TSC2: variants seen among roughly 807,000 people sequenced by gnomAD.
TSC2 encodes the protein TSC complex subunit 2, also known as tuberin.
TSC2 carries 29 observed loss-of-function variants against 202.2 expected under a neutral mutation model. The ratio of observed to expected loss-of-function variants is 0.14; its 90% confidence interval spans 0.11 to 0.20. The LOEUF (loss-of-function observed/expected upper bound fraction) is 0.20. Ranked by LOEUF, TSC2 falls within the 10% of genes least tolerant of loss-of-function variation. The probability of loss-of-function intolerance (pLI) is 1.00; values close to 1 mark genes in which losing one functional copy is unlikely to be tolerated. For missense variants in TSC2, 2,429 were observed against 2,420.0 expected (o/e 1.00, Z -0.08); for synonymous variants, 1,349 against 1,044.0 (o/e 1.29, Z -5.63).
chr16:2,087,511 TGAG>T (rs2090984908), intron 38 of TSC2, among the ~76,000 whole-genome samples: 1 of 141,804 alleles, frequency 7.1e-6, no homozygotes, highest in Non-Finnish European at 1.5e-5. Flanking sequence ...CCTGGGCGGC[TGAG>T]GAGGGTGTGG....
rs774476372 is a variant in TSC2, at chr16:2,062,455, G to A, written c.1258-42G>A. On this transcript the variant is annotated intron_variant, in intron 12 of 41. Transcript: ENST00000219476. The stretch of plus-strand genomic sequence containing the variant: ...GCAGCCCAGTGTGGAGAAGGAGAGC[G>A]CCGGAGGGGCAGAGGGGCAACACCG... The A allele has an allele frequency of 1.5e-5, 23 of 1,553,520 alleles. No homozygotes were observed. In the South Asian group the frequency reaches 2.0e-4, roughly 13 times the overall value.
chr16:2,061,744 CATGCGGCCCA>C (rs2151151463), intron 11 of TSC2, 117 bp from the exon 12 acceptor site: 1 of 1,509,090 alleles, frequency 6.6e-7, no homozygotes, highest in South Asian at 1.1e-5. Context: ...CGTCTGTCCC[CATGCGGCCCA>C]GAGCGGCCTG....
chr16:2,054,548 G>A (rs371081257), intron 5 of TSC2, 108 bp downstream of exon 5: 1 of 1,533,010 alleles, frequency 6.5e-7, no homozygotes, highest in Non-Finnish European at 8.9e-7. Context: ...GGGATGGCCT[G>A]CAGCGGGTAT....
intron 20 of TSC2, 29 bp from the exon 21 acceptor site, chr16:2,072,820 G>C (rs777561812): frequency 6.2e-7 from 1 of 1,613,204 alleles, no homozygotes; most frequent in Non-Finnish European, 8.5e-7. Flanking sequence ...CCGCTGGGGA[G>C]AGGTTTCATG....
At position 2,076,096 on chromosome 16, in the gene TSC2, C is replaced by G; in HGVS notation, c.2668C>G (p.His890Asp). ...KFNQYIVCLA[H>D]HVIAMWFIRC... Reference sequence around the variant, plus strand: ...TAATCAGTACATCGTGTGTCTGGCCCATCACGTCATAGCCATGTGGTTCAT... The same window carrying G: ...TAATCAGTACATCGTGTGTCTGGCCGATCACGTCATAGCCATGTGGTTCAT... The change falls in exon 24 of 42, where the codon CAT becomes GAT. Residue 890 changes from histidine to aspartate, a missense_variant. Transcript: ENST00000219476. 6.2e-7 allele frequency: 1 copy of G among 1,613,958 alleles called. No individual in the cohort carries two copies. Among genetic ancestry groups the G allele is most frequent in the Non-Finnish European group, 8.5e-7 (1 of 1,180,034 alleles).
rs2151533587 is a variant in TSC2, at chr16:2,084,569, C to T, written c.4347C>T (p.Ser1449=). The T allele has an allele frequency of 6.2e-7, 1 of 1,607,622 alleles. No homozygotes were observed. Among genetic ancestry groups the T allele is most frequent in the Non-Finnish European group, 8.5e-7 (1 of 1,179,662 alleles). ...CCGAGGGTCCCTTGCCTTCCAGCTC[C>T]CCCCGCTCGCCCAGTGGCCTCCGGC... ...GQPEGPLPSS[S]PRSPSGLRPR... The change falls in exon 34 of 42, where the codon TCC becomes TCT. Residue 1449 remains serine (S), a synonymous_variant. Transcript: ENST00000219476.
intron 22 of TSC2, 25 bp from the exon 23 acceptor site, chr16:2,075,774 C>G (rs762394247): frequency 1.9e-6 from 3 of 1,610,810 alleles, no homozygotes; most frequent in Non-Finnish European, 2.5e-6. Flanking sequence ...CCCGGCTCCC[C>G]TGACCACCCT....
chr16:2,064,475 G>T (rs766699464), intron 15 of TSC2, 48 bp downstream of exon 15: 6 of 1,610,780 alleles, frequency 3.7e-6, no homozygotes, highest in Non-Finnish European at 5.1e-6. Context: ...CCAGAGCTCC[G>T]TGGGCAGCAA....
intron 37 of TSC2, 63 bp downstream of exon 37, chr16:2,086,442 CCTG>C: frequency 1.3e-6 from 2 of 1,578,378 alleles, no homozygotes; most frequent in East Asian, 2.4e-5. Context: ...CCCATCCAGT[CCTG>C]CTACCCCACG....
chr16:2,068,306 T>C (rs989934157), intron 16 of TSC2, among the ~76,000 whole-genome samples: 9 of 152,172 alleles, frequency 5.9e-5, no homozygotes, highest in Non-Finnish European at 1.3e-4. Context: ...CCCCAAAGTG[T>C]TGGGATTACA....
Position 2,082,430 on chromosome 16 carries a change from T to G in TSC2, c.3815-6T>G. 6.2e-7 allele frequency: 1 copy of G among 1,612,586 alleles called. No homozygotes were observed. The highest frequency in any genetic ancestry group is 8.5e-7 in the Non-Finnish European group (1 of 1,179,996). The stretch of plus-strand genomic sequence containing the variant: ...TGACGTGGCCGCACACGGCCTTCCC[T>G]TGCAGTGGCCTCTTTCTCCTCCCTG... On this transcript the variant is annotated splice_polypyrimidine_tract_variant and splice_region_variant and intron_variant, in intron 31 of 41. Coordinates refer to ENST00000219476, the MANE Select transcript of TSC2 (RefSeq NM_000548.5).
At position 2,056,984 on chromosome 16, in the gene TSC2, G is replaced by GTCCCA; in HGVS notation, c.775-120_775-119insCCCAT. On this transcript the variant is annotated intron_variant, in intron 8 of 41. Transcript: ENST00000219476. ...CTGCCTCTGTCTTTGGGAGGAGATGGTGGCGAGCTGGCCGGACCTTGGGTG... is the reference window on the plus strand; with the variant it reads ...CTGCCTCTGTCTTTGGGAGGAGATGGTCCCATGGCGAGCTGGCCGGACCTTGGGTG... 4 of 1,408,002 alleles carry GTCCCA rather than the reference G, an allele frequency of 2.8e-6. No individual in the cohort carries two copies. In the South Asian group the frequency reaches 4.9e-5, roughly 17 times the overall value. 87.2% of individuals were successfully genotyped at this position (1,408,002 alleles called of 1,614,324 possible). A position where few individuals can be genotyped will look rare whatever the true frequency, so the allele number is the denominator to read the frequency against.
rs45512398 is a variant in TSC2 at position 2,071,910 on chromosome 16, C to T, written c.2073C>T (p.Arg691=). The T allele has an allele frequency of 4.5e-4, 721 of 1,592,702 alleles. 4 individuals are homozygous for T. The highest frequency in any genetic ancestry group is 1.4e-3 in the South Asian group (122 of 88,132). The part of the protein sequence containing the change: ...LGSVPYSLLF[R]VLLQCLKQES... ...CCGTGCCCTACTCCCTGCTCTTCCG[C>T]GTCCTGCTGCAGTGCTTGAAGCAGG... Residue 691 remains arginine, a synonymous_variant, in exon 19 of 42, where the codon CGC becomes CGT. Coordinates refer to ENST00000219476, the MANE Select transcript of TSC2 (RefSeq NM_000548.5).
At chr16:2,054,733 G>T (rs1287859520) in intron 5 of TSC2, 8 of 502,422 alleles carry the variant, frequency 1.6e-5, no homozygotes, top group Non-Finnish European at 2.5e-5. Context: ...CTGTCACTGG[G>T]AGGTGGTGCT....
At chr16:2,067,006 G>A (rs1467863251) in intron 16 of TSC2, among the ~76,000 whole-genome samples, 1 of 152,082 alleles carries the variant, frequency 6.6e-6, no homozygotes, top group Non-Finnish European at 1.5e-5. Flanking sequence ...ACGTGTGACT[G>A]TCAGTGTCAG....
At chr16:2,073,277 G>A (rs1209935285) in intron 21 of TSC2, among the ~76,000 whole-genome samples, 2 of 152,252 alleles carry the variant, frequency 1.3e-5, no homozygotes, top group Non-Finnish European at 2.9e-5. Context: ...CAAGGGGGAG[G>A]TGGCCATGCC....
Position 2,048,026 on chromosome 16 carries a change from C to T in TSC2, c.-69C>T, listed in dbSNP as rs890966376. On this transcript the variant is annotated 5_prime_UTR_variant, in exon 1 of 42. Coordinates refer to ENST00000219476, the MANE Select transcript of TSC2 (RefSeq NM_000548.5). ...CGGGGCCAGGGGGGTGCGCCTTTCTCCGCGTCGGGGCGGCCCGGAGCGCGG... is the reference window on the plus strand; with the variant it reads ...CGGGGCCAGGGGGGTGCGCCTTTCTTCGCGTCGGGGCGGCCCGGAGCGCGG... 35 of 1,448,340 alleles carry T rather than the reference C, an allele frequency of 2.4e-5. No individual in the cohort carries two copies. The highest frequency in any genetic ancestry group is 1.9e-4 in the Middle Eastern group (1 of 5,312). The allele number at this position is 1,448,340 out of a possible 1,614,324, so 89.7% of individuals were successfully genotyped here.
intron 17 of TSC2, 43 bp from the exon 18 acceptor site, chr16:2,071,467 T>C (rs2151294955): frequency 6.2e-7 from 1 of 1,609,864 alleles, no homozygotes; most frequent in Non-Finnish European, 8.5e-7. Context: ...GTCCTGGGCC[T>C]GCACGAGCTT....
At chr16:2,075,983 C>G (rs1182336105) in intron 23 of TSC2, 85 bp from the exon 24 acceptor site, 19 of 1,611,910 alleles carry the variant, frequency 1.2e-5, no homozygotes, top group African/African-American at 4.0e-5. Context: ...TCCCCAAGGC[C>G]TGAGCGCCTC....
Sources: allele counts gnomAD v4.1 joint callset (sites outside exome capture counted in the v4.1 genomes callset), GRCh38; gene constraint gnomAD v4.1.1; transcripts MANE v1.5; gene names NCBI Gene and HGNC (gene_info 2026-07-23, HGNC 2026-07-21).